Variants in AK5 observed in about 807,000 individuals in gnomAD.
The protein encoded by AK5 is adenylate kinase isoenzyme 5.
A neutral mutation model predicts 69.5 loss-of-function variants in AK5; 27 were observed. The observed-to-expected ratio is 0.39, with a 90% CI of 0.29 to 0.54. The LOEUF (loss-of-function observed/expected upper bound fraction) is 0.54. AK5 is among the 20% of genes least tolerant of loss of function. The probability of loss-of-function intolerance (pLI) is 0.71; values close to 1 mark genes in which losing one functional copy is unlikely to be tolerated. For missense variants in AK5, 531 were observed against 700.4 expected, an observed-to-expected ratio of 0.76 and a Z score of 2.73; for synonymous variants, 260 against 244.4, an observed-to-expected ratio of 1.06 and a Z score of -0.60.
At chr1:77,503,798 A>G (rs557163981) in intron 10 of AK5, among the ~76,000 whole-genome samples, 5 of 152,102 alleles carry the variant, frequency 3.3e-5, no homozygotes, top group South Asian at 4.2e-4. Flanking sequence ...CCAGCTACTC[A>G]GAAGGCTGAG....
intron 10 of AK5, among the ~76,000 whole-genome samples, chr1:77,499,897 T>TGG (rs1656604832): frequency 1.5e-5 from 2 of 129,394 alleles, no homozygotes; most frequent in African/African-American, 3.0e-5. Flanking sequence ...TTTTTTTTTT[T>TGG]TTTTGGTTTG....
chr1:77,359,587 A>C (rs1646825351), intron 6 of AK5, among the ~76,000 whole-genome samples: 1 of 152,238 alleles, frequency 6.6e-6, no homozygotes. Flanking sequence ...TTCAAAGTAA[A>C]ACATAACAGT....
chr1:77,396,321 T>C (rs1012083693), intron 6 of AK5, among the ~76,000 whole-genome samples: 2 of 152,228 alleles, frequency 1.3e-5, no homozygotes, highest in Middle Eastern at 3.2e-3. Context: ...ATAATTTTCT[T>C]TGTCTCTCCT....
chr1:77,558,460 C>CT lies in AK5; in HGVS notation c.1621-136dup. 2 of 540,656 alleles carry CT rather than the reference C, an allele frequency of 3.7e-6. 1 individual carries two copies. The highest frequency in any genetic ancestry group is 4.5e-5 in the South Asian group (2 of 44,448). 33.5% of individuals were successfully genotyped at this position (540,656 alleles called of 1,614,324 possible). A position where few individuals can be genotyped will look rare whatever the true frequency, so the allele number is the denominator to read the frequency against. On this transcript the variant is annotated intron_variant, in intron 13 of 13. Transcript: ENST00000354567. ...CACCTAGTTTTAAAACTACTCTTCA[C>CT]TTTTTTCTCTGTGTTTTGGGGGGGG...
intron 8 of AK5, among the ~76,000 whole-genome samples, chr1:77,443,677 CTGTGTGTGTGTGTGTGTGTGTG>C (rs71244408): frequency 1.2e-4 from 16 of 134,040 alleles, no homozygotes; most frequent in East Asian, 2.3e-4. Flanking sequence ...TGTGGGGAGT[CTGTGTGTGTGTGTGTGTGTGTG>C]TGTGTGTGTG....
intron 13 of AK5, among the ~76,000 whole-genome samples, chr1:77,549,960 AT>A (rs761532441): frequency 2.0e-4 from 29 of 148,606 alleles, no homozygotes; most frequent in South Asian, 4.3e-4. Flanking sequence ...TTATTTATTT[AT>A]TTTTTTTTTT....
intron 8 of AK5, among the ~76,000 whole-genome samples, chr1:77,461,398 T>C (rs2100676583): frequency 6.6e-6 from 1 of 151,730 alleles, no homozygotes; most frequent in East Asian, 1.9e-4. Flanking sequence ...TACCAGAGGC[T>C]GGGGTGGTTA....
chr1:77,310,402 C>CA, intron 5 of AK5, among the ~76,000 whole-genome samples: 1 of 152,026 alleles, frequency 6.6e-6, no homozygotes, highest in South Asian at 2.1e-4. Context: ...TCTTTTGAGA[C>CA]AGAGTCTTAC....
intron 8 of AK5, among the ~76,000 whole-genome samples, chr1:77,470,842 TATATATATATATATATATATATA>T (rs1654419489): frequency 9.6e-4 from 1 of 1,046 alleles, no homozygotes; most frequent in African/African-American, 1.9e-3. Flanking sequence ...TATATATATA[TATATATATATATATATATATATA>T]TATATATATA....
intron 5 of AK5, among the ~76,000 whole-genome samples, chr1:77,306,495 T>G (rs7410994): frequency 0.013 from 355 of 26,550 alleles, 3 homozygotes; most frequent in East Asian, 0.13. Flanking sequence ...TTTTTTTTTG[T>G]TTTTTTTTTT....
chr1:77,543,578 C>T (rs1310457576), intron 13 of AK5, among the ~76,000 whole-genome samples: 9 of 151,680 alleles, frequency 5.9e-5, no homozygotes, highest in South Asian at 2.1e-4. Context: ...GTTGCCTAGT[C>T]GGGTTTGCAG....
intron 6 of AK5, chr1:77,349,643 G>A (rs1195966067): frequency 6.6e-6 from 1 of 152,164 alleles, no homozygotes; most frequent in Non-Finnish European, 1.5e-5. Flanking sequence ...ACATTGAGAA[G>A]TTTTAAAAGT....
intron 5 of AK5, among the ~76,000 whole-genome samples, chr1:77,305,640 T>C (rs1659593894): frequency 6.6e-6 from 1 of 152,190 alleles, no homozygotes; most frequent in Non-Finnish European, 1.5e-5. Context: ...TTGTTGAAAA[T>C]GAGTTCACTG....
intron 6 of AK5, among the ~76,000 whole-genome samples, chr1:77,399,738 G>A (rs1649079385): frequency 6.6e-6 from 1 of 152,194 alleles, no homozygotes; most frequent in African/African-American, 2.4e-5. Context: ...ACCGAATAGT[G>A]ATGAGAGGAG....
At position 77,410,998 on chromosome 1, in the gene AK5, T is replaced by C. The variant is rs145653115; in HGVS notation, c.909T>C (p.Asp303=). The change falls in exon 7 of 14, where the codon GAT becomes GAC. Residue 303 remains aspartate (D), a synonymous_variant. Coordinates refer to ENST00000354567, the MANE Select transcript of AK5 (RefSeq NM_174858.3). ...TCCCCCAGTTTGATGCCGACCGCGA[T>C]GAGGATGAGGTGTTCTATGACATCA... The part of the protein sequence containing the change: ...GLIMTFDADR[D]EDEVFYDISM... 3.1e-6 allele frequency: 5 copies of C among 1,613,790 alleles called. No homozygotes were observed. Among genetic ancestry groups the C allele is most frequent in the Non-Finnish European group, 4.2e-6 (5 of 1,179,878 alleles).
chr1:77,519,267 C>T (rs1453748931), intron 11 of AK5, among the ~76,000 whole-genome samples: 1 of 152,140 alleles, frequency 6.6e-6, no homozygotes, highest in Non-Finnish European at 1.5e-5. Context: ...CCATGATAGG[C>T]TCTGTAATGA....
intron 6 of AK5, among the ~76,000 whole-genome samples, chr1:77,376,055 T>C (rs913680117): frequency 1.3e-5 from 2 of 152,200 alleles, no homozygotes; most frequent in African/African-American, 4.8e-5. Flanking sequence ...TTTTAAAATG[T>C]TTAACAGTTT....
At chr1:77,351,117 G>C (rs1662169868) in intron 6 of AK5, among the ~76,000 whole-genome samples, 1 of 152,222 alleles carries the variant, frequency 6.6e-6, no homozygotes, top group South Asian at 2.1e-4. Flanking sequence ...AACTGGGCCG[G>C]GCGCGGTGGC....
intron 8 of AK5, among the ~76,000 whole-genome samples, chr1:77,449,834 C>T (rs1310957739): frequency 3.3e-5 from 5 of 152,126 alleles, no homozygotes; most frequent in African/African-American, 7.2e-5. Context: ...TCATTACTTA[C>T]GCAAATTTCT....
Sources: allele counts gnomAD v4.1 joint callset (sites outside exome capture counted in the v4.1 genomes callset), GRCh38; gene constraint gnomAD v4.1.1; transcripts MANE v1.5; gene names NCBI Gene and HGNC (gene_info 2026-07-23, HGNC 2026-07-21).